FUBP3: variants seen among roughly 807,000 people sequenced by gnomAD.
The protein encoded by FUBP3 is far upstream element binding protein 3.
FUBP3 carries 28 observed loss-of-function variants against 85.6 expected under a neutral mutation model. The ratio of observed to expected loss-of-function variants is 0.33; its 90% CI spans 0.24 to 0.45. The LOEUF (loss-of-function observed/expected upper bound fraction) is 0.45. Ranked by LOEUF, FUBP3 falls within the 20% of genes least tolerant of loss-of-function variation. The pLI is 1.00. For synonymous variants in FUBP3, 271 were observed against 271.4 expected (o/e 1.00, Z 0.01); for missense variants, 583 against 755.1 (o/e 0.77, Z 2.67).
At chr9:130,584,929 G>A (rs1187822614) in intron 1 of FUBP3, among the ~76,000 whole-genome samples, 2 of 152,026 alleles carry the variant, frequency 1.3e-5, no homozygotes, top group Non-Finnish European at 2.9e-5. Flanking sequence ...TTGGGAGGCC[G>A]AGGCAGGGAG....
rs560982930 is a variant in FUBP3, at chr9:130,616,949, G to C, written c.567+432G>C. ...TGTGTGTCAAAAGGGGCAAGTGCAG[G>C]CTTCACTGTTGTGATGGAGCTAAAA... On this transcript the variant is annotated intron_variant, in intron 7 of 18. Transcript: ENST00000319725. This position sits in a 1 kb window ranked among gnomAD's most constrained non-coding sequence, Gnocchi z 4.7. Among the ~76,000 whole-genome samples, 2 of 152,284 alleles carry C rather than the reference G, an allele frequency of 1.3e-5. No individual in the cohort carries two copies. Among genetic ancestry groups the C allele is most frequent in the East Asian group, 1.9e-4 (1 of 5,178 alleles).
chr9:130,584,030 C>T (rs901766201), intron 1 of FUBP3, among the ~76,000 whole-genome samples: 2 of 152,094 alleles, frequency 1.3e-5, no homozygotes, highest in African/African-American at 4.8e-5. Flanking sequence ...CACCGTGCCC[C>T]CATGCCTGGC....
chr9:130,608,232 G>C (rs1281963694), intron 2 of FUBP3, among the ~76,000 whole-genome samples: 6 of 152,124 alleles, frequency 3.9e-5, no homozygotes, highest in Non-Finnish European at 8.8e-5. Context: ...CATTCCCCCA[G>C]CTGAGGAATG....
chr9:130,630,135 G>T (rs1031421708), intron 12 of FUBP3, among the ~76,000 whole-genome samples: 13 of 152,228 alleles, frequency 8.5e-5, no homozygotes, highest in African/African-American at 3.1e-4. Flanking sequence ...TCCAGGCATG[G>T]TTGGGCCTGT....
chr9:130,612,569 T>C lies in FUBP3; in HGVS notation c.274+64T>C. On this transcript the variant is annotated intron_variant, in intron 4 of 18. Transcript: ENST00000319725. The surrounding 1 kb of genome is among the most constrained non-coding windows in gnomAD (Gnocchi z 4.1). ...TCTCTTCTTTTTCTCTCTTTTTTTC[T>C]GAGCTGCTTTGCCAGGATGTTCTTT... 2.0e-6 allele frequency: 2 copies of C among 1,008,246 alleles called. No homozygotes were observed. The highest frequency in any genetic ancestry group is 3.6e-5 in the Admixed American group (2 of 55,594). The allele number at this position is 1,008,246 out of a possible 1,614,324, so 62.5% of individuals were successfully genotyped here. A position where few individuals can be genotyped will look rare whatever the true frequency, so the allele number is the denominator to read the frequency against.
intron 2 of FUBP3, among the ~76,000 whole-genome samples, chr9:130,603,491 A>G (rs967421352): frequency 6.6e-6 from 1 of 151,894 alleles, no homozygotes; most frequent in Non-Finnish European, 1.5e-5. Context: ...TCACCCATCT[A>G]TGCATTTTAG....
intron 1 of FUBP3, chr9:130,581,008 T>TA (rs1747223539): frequency 6.6e-6 from 1 of 152,318 alleles, no homozygotes; most frequent in Admixed American, 6.5e-5. Context: ...GCTGGCGTGT[T>TA]ACAGTGCTCT....
chr9:130,583,976 A>G (rs1197505015), intron 1 of FUBP3, among the ~76,000 whole-genome samples: 1 of 151,986 alleles, frequency 6.6e-6, no homozygotes, highest in Non-Finnish European at 1.5e-5. Flanking sequence ...GCCTCAAGCA[A>G]TCCTCCCACC....
At position 130,635,106 on chromosome 9, in the gene FUBP3, C is replaced by T. The variant is rs1455014357; in HGVS notation, c.1582+368C>T. ...GCCACCTGGCCGGCAAACAGACCAA[C>T]CAGACATCTTGTTCTCTGTCTTGGT... On this transcript the variant is annotated intron_variant, in intron 17 of 18. Coordinates refer to ENST00000319725, the MANE Select transcript of FUBP3 (RefSeq NM_003934.2). This position sits in a 1 kb window ranked among gnomAD's most constrained non-coding sequence, Gnocchi z 4.3. Among the ~76,000 whole-genome samples the T allele has an allele frequency of 2.6e-5, 4 of 152,126 alleles. No individual in the cohort carries two copies. Among genetic ancestry groups the T allele is most frequent in the African/African-American group, 7.2e-5 (3 of 41,414 alleles).
chr9:130,632,402 A>T (rs1330411061), intron 16 of FUBP3, 124 bp downstream of exon 16: 1 of 722,140 alleles, frequency 1.4e-6, no homozygotes, highest in Non-Finnish European at 2.4e-6. Flanking sequence ...CCAAATGACA[A>T]GGAGCCCTCT....
intron 2 of FUBP3, among the ~76,000 whole-genome samples, chr9:130,596,068 C>G (rs1218036909): frequency 6.6e-6 from 1 of 152,186 alleles, no homozygotes; most frequent in Admixed American, 6.5e-5. Context: ...TTTCTAGAAG[C>G]ATCCCTTTTC....
At chr9:130,636,281 C>T (rs974107142) in intron 18 of FUBP3, 155 bp downstream of exon 18, 11 of 772,984 alleles carry the variant, frequency 1.4e-5, no homozygotes, top group African/African-American at 3.4e-5. Flanking sequence ...GCTGAGAGCC[C>T]GGCTCCAGCC....
intron 2 of FUBP3, among the ~76,000 whole-genome samples, chr9:130,600,196 A>C (rs116249470): frequency 6.9e-6 from 1 of 145,978 alleles, no homozygotes; most frequent in Admixed American, 7.2e-5. Context: ...CCTTCTCTGA[A>C]TTTCTAAAGC....
chr9:130,636,933 G>A lies in FUBP3; in HGVS notation c.1711-81G>A, dbSNP rs138806189. 1.6e-3 allele frequency: 1,876 copies of A among 1,202,596 alleles called. 25 individuals are homozygous for A. The African/African-American group carries it at 0.025, about 16-fold the overall frequency. 74.5% of individuals were successfully genotyped at this position (1,202,596 alleles called of 1,614,324 possible). A position where few individuals can be genotyped will look rare whatever the true frequency, so the allele number is the denominator to read the frequency against. On this transcript the variant is annotated intron_variant, in intron 18 of 18. Coordinates refer to ENST00000319725, the MANE Select transcript of FUBP3 (RefSeq NM_003934.2). ...TTTTGTCTGGCCCAGCTCCCGTGAC[G>A]CGAGACCTGGGGGAGGTCACTGGCA... is the stretch of plus-strand genomic sequence containing the variant.
In FUBP3 at chr9:130,634,680, G is replaced by A; in HGVS notation, c.1524G>A (p.Gln508=). The stretch of plus-strand genomic sequence containing the variant: ...TTCTTCGCACAGGCCAGCAGAGCCA[G>A]CCGCAGAGCAGCCAGCCCAACTACA... ...PTQQVPSQQS[Q]PQSSQPNYSK... is the part of the protein sequence containing the mutation. Residue 508 remains glutamine (Q), a synonymous_variant, in exon 17 of 19, where the codon CAG becomes CAA. Transcript: ENST00000319725. 1.9e-6 allele frequency: 3 copies of A among 1,613,744 alleles called. No individual in the cohort carries two copies. Among genetic ancestry groups the A allele is most frequent in the Non-Finnish European group, 2.5e-6 (3 of 1,179,956 alleles).
chr9:130,631,526 G>A, intron 13 of FUBP3, 31 bp from the exon 14 acceptor site: 1 of 1,585,200 alleles, frequency 6.3e-7, no homozygotes, highest in Non-Finnish European at 8.7e-7. Flanking sequence ...GCAACCAACA[G>A]CGGGTGAGAG....
chr9:130,613,131 T>G, intron 5 of FUBP3, 104 bp downstream of exon 5: 1 of 708,442 alleles, frequency 1.4e-6, no homozygotes. Flanking sequence ...TATATGCGAT[T>G]AGTGTTTTCC....
intron 8 of FUBP3, 117 bp downstream of exon 8, chr9:130,618,012 TA>T (rs1000790354): frequency 1.5e-5 from 9 of 585,392 alleles, no homozygotes; most frequent in Non-Finnish European, 2.8e-5. Context: ...TTATTGAAGG[TA>T]AACTGTTCTC....
chr9:130,608,463 C>A (rs1433749104), intron 2 of FUBP3, among the ~76,000 whole-genome samples: 7 of 152,214 alleles, frequency 4.6e-5, no homozygotes, highest in African/African-American at 1.4e-4. Context: ...GGCCAACATA[C>A]CTCCCTCAGG....
Sources: allele counts gnomAD v4.1 joint callset (sites outside exome capture counted in the v4.1 genomes callset), GRCh38; gene constraint gnomAD v4.1.1; non-coding constraint Gnocchi (gnomAD v3.1); transcripts MANE v1.5; gene names NCBI Gene and HGNC (gene_info 2026-07-23, HGNC 2026-07-21).